PDZD8: variants seen among roughly 807,000 people sequenced by gnomAD.
PDZD8 encodes the protein PDZ domain containing 8.
A neutral mutation model predicts 85.8 loss-of-function variants in PDZD8; 14 were observed. The observed-to-expected ratio is 0.16, with a 90% CI of 0.11 to 0.26. PDZD8 has a LOEUF of 0.26. Among genes scored for constraint, PDZD8 ranks in the 10% least tolerant of loss-of-function variants. PDZD8 has a pLI of 1.00. For missense variants in PDZD8, 1,197 were observed against 1,424.3 expected, an observed-to-expected ratio of 0.84 and a Z score of 2.57; for synonymous variants, 592 against 568.6, an observed-to-expected ratio of 1.04 and a Z score of -0.59.
At chr10:117,354,562 G>GT (rs1269105049) in intron 1 of PDZD8, among the ~76,000 whole-genome samples, 2 of 150,660 alleles carry the variant, frequency 1.3e-5, no homozygotes, top group African/African-American at 5.0e-5. Flanking sequence ...CATCTCACCT[G>GT]TTTAACAAAT....
intron 4 of PDZD8, among the ~76,000 whole-genome samples, chr10:117,288,219 A>G (rs911137630): frequency 2.0e-5 from 3 of 152,182 alleles, no homozygotes; most frequent in African/African-American, 7.2e-5. Flanking sequence ...TCAATTATAT[A>G]CCCATATAAA....
chr10:117,374,740 A>T lies in PDZD8; in HGVS notation c.488T>A (p.Val163Glu). Residue 163 changes from valine to glutamate, a missense_variant, in exon 1 of 5, where the codon GTG becomes GAG. Around this residue, in one of 4 missense-constraint regions of PDZD8, gnomAD observed 344 missense variants for 453.6 expected, o/e 0.76. Coordinates refer to ENST00000334464, the MANE Select transcript of PDZD8 (RefSeq NM_173791.5). This position sits in a 1 kb window ranked among gnomAD's most constrained non-coding sequence, Gnocchi z 7.8. The part of the protein sequence containing the change: ...TVPFIKTIRL[V>E]RPVVPSATGE... ...GGTGGCCGAGGGCACGACTGGCCGC[A>T]CGAGCCGGATGGTCTTGATGAAGGG... The T allele has an allele frequency of 6.2e-7, 1 of 1,611,774 alleles. No homozygotes were observed. Among genetic ancestry groups the T allele is most frequent in the Non-Finnish European group, 8.5e-7 (1 of 1,179,532 alleles).
At chr10:117,307,159 A>G (rs1312823821) in intron 3 of PDZD8, among the ~76,000 whole-genome samples, 1 of 152,118 alleles carries the variant, frequency 6.6e-6, no homozygotes, top group Non-Finnish European at 1.5e-5. Context: ...GTGTATGTTT[A>G]TAAAGTTTTT....
chr10:117,325,478 C>T (rs1349566763), intron 2 of PDZD8, among the ~76,000 whole-genome samples: 1 of 128,224 alleles, frequency 7.8e-6, no homozygotes. Flanking sequence ...TCTCAGCTCA[C>T]TACAACCTCC....
intron 1 of PDZD8, among the ~76,000 whole-genome samples, chr10:117,364,708 T>C (rs1845058627): frequency 6.6e-6 from 1 of 151,876 alleles, no homozygotes; most frequent in Non-Finnish European, 1.5e-5. Flanking sequence ...CAAAGAGGCA[T>C]GAACAGATTA....
chr10:117,374,607 G>A lies in PDZD8; in HGVS notation c.621C>T (p.Asp207=), dbSNP rs748087944. ...CGGACTTGCCGAAGACCAGGTCCAC[G>A]TCGATGGCCAGGTGGAAGCCCCCGT... ...EYNGGFHLAI[D]VDLVFGKSAY... The change falls in exon 1 of 5, where the codon GAC becomes GAT. Residue 207 remains aspartate (D), a synonymous_variant. Transcript: ENST00000334464. This position sits in a 1 kb window ranked among gnomAD's most constrained non-coding sequence, Gnocchi z 7.8. 6.3e-7 allele frequency: 1 copy of A among 1,588,662 alleles called. No homozygotes were observed. The highest frequency in any genetic ancestry group is 2.3e-5 in the East Asian group (1 of 43,648).
At chr10:117,370,057 T>A (rs1236654327) in intron 1 of PDZD8, among the ~76,000 whole-genome samples, 6 of 152,122 alleles carry the variant, frequency 3.9e-5, no homozygotes, top group Non-Finnish European at 7.3e-5. Context: ...AGAACATTAG[T>A]GGTAATCTTT....
intron 1 of PDZD8, among the ~76,000 whole-genome samples, chr10:117,369,164 A>C (rs768686380): frequency 1.0e-4 from 15 of 149,190 alleles, no homozygotes; most frequent in Non-Finnish European, 1.5e-5. Flanking sequence ...TTATTTATTT[A>C]TTTTTACTTT....
In PDZD8 at chr10:117,374,574, C is replaced by T. The variant is rs150835880; in HGVS notation, c.654G>A (p.Leu218=). Reference sequence around the variant, plus strand: ...CCACCACGCGGGACAGCTTGACAAACAAGTAGGCGGACTTGCCGAAGACCA... The same window carrying T: ...CCACCACGCGGGACAGCTTGACAAATAAGTAGGCGGACTTGCCGAAGACCA... The part of the protein sequence containing the change: ...VDLVFGKSAY[L]FVKLSRVVGR... Residue 218 remains leucine, a synonymous_variant, in exon 1 of 5, where the codon TTG becomes TTA. Coordinates refer to ENST00000334464, the MANE Select transcript of PDZD8 (RefSeq NM_173791.5). The surrounding 1 kb of genome is among the most constrained non-coding windows in gnomAD (Gnocchi z 7.8). 34 of 1,597,276 alleles carry T rather than the reference C, an allele frequency of 2.1e-5. No individual in the cohort carries two copies. In the African/African-American group the frequency reaches 4.5e-4, roughly 21 times the overall value.
At chr10:117,334,598 T>C (rs1253855404) in intron 2 of PDZD8, among the ~76,000 whole-genome samples, 1 of 152,010 alleles carries the variant, frequency 6.6e-6, no homozygotes, top group Non-Finnish European at 1.5e-5. Context: ...TATATATATA[T>C]GGCTCAAAAA....
intron 3 of PDZD8, among the ~76,000 whole-genome samples, chr10:117,293,372 T>C (rs544288591): frequency 6.6e-4 from 101 of 152,146 alleles, no homozygotes; most frequent in Middle Eastern, 3.4e-3. Context: ...AAAACAAACA[T>C]AAATAGAAAC....
At chr10:117,302,282 A>C (rs899606774) in intron 3 of PDZD8, among the ~76,000 whole-genome samples, 1 of 152,210 alleles carries the variant, frequency 6.6e-6, no homozygotes, top group African/African-American at 2.4e-5. Flanking sequence ...TTTAATAGAA[A>C]AACAAAGGAG....
At chr10:117,365,051 CAG>C (rs765595712) in intron 1 of PDZD8, among the ~76,000 whole-genome samples, 3 of 151,754 alleles carry the variant, frequency 2.0e-5, no homozygotes, top group Non-Finnish European at 2.9e-5. Context: ...ATGGGTATAT[CAG>C]GGGATGAAAT....
chr10:117,345,037 C>T (rs1844681102), intron 1 of PDZD8, among the ~76,000 whole-genome samples: 1 of 152,198 alleles, frequency 6.6e-6, no homozygotes, highest in Admixed American at 6.5e-5. Flanking sequence ...GTTGTGGTAT[C>T]ACCCAGAGAG....
chr10:117,352,279 T>TA (rs1430614830), intron 1 of PDZD8, among the ~76,000 whole-genome samples: 1 of 152,226 alleles, frequency 6.6e-6, no homozygotes, highest in Admixed American at 6.5e-5. Flanking sequence ...GATCTACTGT[T>TA]AACTGCAGTT....
Position 117,279,426 on chromosome 10 carries a change from C to T in PDZD8, c.*3842G>A, listed in dbSNP as rs909328483. 1.3e-5 allele frequency: 2 copies of T among 152,146 alleles called. No individual in the cohort carries two copies. The highest frequency in any genetic ancestry group is 2.9e-5 in the Non-Finnish European group (2 of 68,034). 9.4% of individuals were successfully genotyped at this position (152,146 alleles called of 1,614,324 possible). ...AAGTTTACTTAATAAATCTTCTGAACCATGTTTTGTGCCTGTTTGTATTCC... is the reference window on the plus strand; with the variant it reads ...AAGTTTACTTAATAAATCTTCTGAATCATGTTTTGTGCCTGTTTGTATTCC... On this transcript the variant is annotated 3_prime_UTR_variant, in exon 5 of 5. Coordinates refer to ENST00000334464, the MANE Select transcript of PDZD8 (RefSeq NM_173791.5).
At chr10:117,320,869 A>G (rs999101807) in intron 2 of PDZD8, among the ~76,000 whole-genome samples, 3 of 152,156 alleles carry the variant, frequency 2.0e-5, no homozygotes, top group Admixed American at 2.0e-4. Flanking sequence ...GAATAGGCAC[A>G]TCTCCAAAGA....
chr10:117,330,260 C>T (rs1279544079), intron 2 of PDZD8, among the ~76,000 whole-genome samples: 1 of 152,030 alleles, frequency 6.6e-6, no homozygotes, highest in African/African-American at 2.4e-5. Context: ...TTCACGACTT[C>T]CAAATCTAAT....
At chr10:117,287,196 T>C (rs1467676774) in intron 4 of PDZD8, among the ~76,000 whole-genome samples, 7 of 152,148 alleles carry the variant, frequency 4.6e-5, no homozygotes, top group African/African-American at 1.7e-4. Flanking sequence ...CCTTAAACTT[T>C]TTCTTCCTTT....
Sources: allele counts gnomAD v4.1 joint callset (sites outside exome capture counted in the v4.1 genomes callset), GRCh38; gene constraint gnomAD v4.1.1; regional missense constraint gnomAD v4.1.1; non-coding constraint Gnocchi (gnomAD v3.1); transcripts MANE v1.5; gene names NCBI Gene and HGNC (gene_info 2026-07-23, HGNC 2026-07-21).